Variants in FAR2 observed in about 807,000 individuals in gnomAD.
The protein encoded by FAR2 is fatty acyl-CoA reductase 2.
A neutral mutation model predicts 56.0 loss-of-function variants in FAR2; 19 were observed. The observed-to-expected ratio is 0.34, with a 90% CI of 0.24 to 0.50. The LOEUF is 0.50. Ranked by LOEUF, FAR2 falls within the 20% of genes least tolerant of loss-of-function variation. The pLI, the probability that FAR2 is intolerant of heterozygous loss-of-function variation, is 0.98. For synonymous variants in FAR2, 219 were observed against 218.8 expected, an observed-to-expected ratio of 1.00 and a Z score of -0.01; for missense variants, 508 against 642.2, an observed-to-expected ratio of 0.79 and a Z score of 2.26.
intron 1 of FAR2, among the ~76,000 whole-genome samples, chr12:29,196,441 T>A (rs11050113): frequency 0.07 from 10,628 of 152,222 alleles, 501 homozygotes; most frequent in East Asian, 0.15. Flanking sequence ...TGATAAGTAG[T>A]GATGTGAGTA....
intron 1 of FAR2, among the ~76,000 whole-genome samples, chr12:29,209,819 C>G (rs1372345624): frequency 6.6e-6 from 1 of 152,106 alleles, no homozygotes; most frequent in Non-Finnish European, 1.5e-5. Flanking sequence ...CCTCACAATA[C>G]TCATTTACAT....
intron 1 of FAR2, among the ~76,000 whole-genome samples, chr12:29,269,008 T>C (rs1345172570): frequency 6.6e-6 from 1 of 152,150 alleles, no homozygotes; most frequent in African/African-American, 2.4e-5. Flanking sequence ...AGGACCAAGG[T>C]GAAATTAAAA....
chr12:29,305,139 ATTTAT>A (rs557202604), intron 4 of FAR2, among the ~76,000 whole-genome samples: 3,718 of 137,106 alleles, frequency 0.027, 83 homozygotes, highest in South Asian at 0.079. Context: ...TTTTATTTTT[ATTTAT>A]TTTATTTTTT....
At chr12:29,313,159 G>A (rs1949382520) in intron 8 of FAR2, among the ~76,000 whole-genome samples, 2 of 152,132 alleles carry the variant, frequency 1.3e-5, no homozygotes, top group South Asian at 4.1e-4. Flanking sequence ...AGGAGCAGTA[G>A]CCATGCCATA....
chr12:29,329,051 ATAT>A (rs1949692418), intron 10 of FAR2, among the ~76,000 whole-genome samples: 1 of 151,878 alleles, frequency 6.6e-6, no homozygotes, highest in Non-Finnish European at 1.5e-5. Flanking sequence ...AATACAATAA[ATAT>A]TATATTAGGC....
chr12:29,207,103 G>T (rs1204762578), intron 1 of FAR2, among the ~76,000 whole-genome samples: 1 of 152,056 alleles, frequency 6.6e-6, no homozygotes, highest in African/African-American at 2.4e-5. Flanking sequence ...CTCTTAAATG[G>T]TCTTGCATAC....
At chr12:29,199,577 G>T (rs1398698046) in intron 1 of FAR2, among the ~76,000 whole-genome samples, 6 of 148,866 alleles carry the variant, frequency 4.0e-5, no homozygotes, top group Admixed American at 2.0e-4. Context: ...TCCAGCCTGG[G>T]GGACAGAGCG....
Position 29,175,427 on chromosome 12 carries a change from T to A in FAR2, c.-39+26020T>A, listed in dbSNP as rs1314158267. Reference sequence around the variant, plus strand: ...AGCTGCAGACCTTCACGGCAAGTGTTACAGCTCTTAAAGGTGGTGTGGACC... The same window carrying A: ...AGCTGCAGACCTTCACGGCAAGTGTAACAGCTCTTAAAGGTGGTGTGGACC... On this transcript the variant is annotated intron_variant, in intron 1 of 11. Coordinates refer to ENST00000536681, the MANE Select transcript of FAR2 (RefSeq NM_001271783.2). 2.0e-5 allele frequency among the ~76,000 whole-genome samples: 3 copies of A among 152,350 alleles called. No homozygotes were observed. The East Asian group carries it at 5.8e-4, about 29-fold the overall frequency.
intron 2 of FAR2, 105 bp from the exon 3 acceptor site, chr12:29,293,195 A>G (rs772676577): frequency 1.0e-5 from 10 of 964,390 alleles, no homozygotes; most frequent in Non-Finnish European, 1.5e-5. Context: ...ATGTTATTAC[A>G]ACTAAAACCA....
At chr12:29,235,571 A>C (rs778406164) in intron 1 of FAR2, among the ~76,000 whole-genome samples, 6 of 152,182 alleles carry the variant, frequency 3.9e-5, no homozygotes, top group Non-Finnish European at 8.8e-5. Context: ...TCTATAGCAA[A>C]TATAGATTTA....
chr12:29,306,021 T>C (rs1309799493), intron 4 of FAR2, among the ~76,000 whole-genome samples: 1 of 152,030 alleles, frequency 6.6e-6, no homozygotes, highest in Admixed American at 6.6e-5. Flanking sequence ...AATTAAGCTT[T>C]ATTCCCTCAA....
At chr12:29,231,117 A>G (rs1170800002) in intron 1 of FAR2, among the ~76,000 whole-genome samples, 1 of 152,206 alleles carries the variant, frequency 6.6e-6, no homozygotes, top group East Asian at 1.9e-4. Context: ...AAGAGTTCCA[A>G]ACTGGGACTG....
intron 8 of FAR2, among the ~76,000 whole-genome samples, chr12:29,313,495 T>C (rs1285109799): frequency 1.3e-5 from 2 of 152,174 alleles, no homozygotes. Flanking sequence ...AGTGTTTGTG[T>C]AATATTGGAG....
intron 10 of FAR2, among the ~76,000 whole-genome samples, chr12:29,328,809 G>A (rs528498751): frequency 7.3e-5 from 11 of 151,310 alleles, no homozygotes; most frequent in South Asian, 4.2e-4. Context: ...GAGTTAATGC[G>A]TGCAGCACAC....
intron 1 of FAR2, among the ~76,000 whole-genome samples, chr12:29,227,185 G>C (rs570678165): frequency 9.2e-5 from 14 of 152,236 alleles, no homozygotes; most frequent in African/African-American, 3.1e-4. Context: ...TTATGATTCT[G>C]GTGTTTGTCA....
chr12:29,289,741 A>G (rs1948933763), intron 2 of FAR2, among the ~76,000 whole-genome samples: 1 of 152,338 alleles, frequency 6.6e-6, no homozygotes, highest in Middle Eastern at 3.4e-3. Context: ...ACAATCAACA[A>G]AGTGAAGAGA....
intron 1 of FAR2, among the ~76,000 whole-genome samples, chr12:29,243,050 G>A (rs997946075): frequency 2.6e-5 from 4 of 152,196 alleles, no homozygotes; most frequent in African/African-American, 9.6e-5. Flanking sequence ...CAGGAGAGTG[G>A]GAAAGCATTA....
At chr12:29,276,727 T>C (rs1362836560) in intron 2 of FAR2, among the ~76,000 whole-genome samples, 1 of 152,164 alleles carries the variant, frequency 6.6e-6, no homozygotes, top group Non-Finnish European at 1.5e-5. Flanking sequence ...TTATTGCTTG[T>C]ATTCCCTTTG....
Position 29,297,152 on chromosome 12 carries a change from T to C in FAR2, c.497T>C (p.Val166Ala). 6.2e-7 allele frequency: 1 copy of C among 1,614,064 alleles called. No homozygotes were observed. The highest frequency in any genetic ancestry group is 8.5e-7 in the Non-Finnish European group (1 of 1,179,980). Reference sequence around the variant, plus strand: ...TGTAACCTGAAGCACATCGATGAAGTTATCTATCCGTGCCCTGTGGAGCCA... The same window carrying C: ...TGTAACCTGAAGCACATCGATGAAGCTATCTATCCGTGCCCTGTGGAGCCA... ...SNCNLKHIDE[V>A]IYPCPVEPKK... Residue 166 changes from valine (V) to alanine (A), a missense_variant, in exon 4 of 12, where the codon GTT becomes GCT. Coordinates refer to ENST00000536681, the MANE Select transcript of FAR2 (RefSeq NM_001271783.2).
Sources: allele counts gnomAD v4.1 joint callset (sites outside exome capture counted in the v4.1 genomes callset), GRCh38; gene constraint gnomAD v4.1.1; transcripts MANE v1.5; gene names NCBI Gene and HGNC (gene_info 2026-07-23, HGNC 2026-07-21).